Variants in HMGN4 observed in about 807,000 individuals in gnomAD.
HMGN4 encodes the protein high mobility group nucleosome-binding domain-containing protein 4.
For missense variants in HMGN4, 69 were observed against 104.9 expected (o/e 0.66, Z 1.49); for synonymous variants, 39 against 39.1 (o/e 1.00, Z 0.01).
In HMGN4 at chr6:26,545,463, C is replaced by G. The variant is rs1764338155; in HGVS notation, c.257C>G (p.Thr86Ser). 1 of 1,562,282 alleles carries G rather than the reference C, an allele frequency of 6.4e-7. No homozygotes were observed. The highest frequency in any genetic ancestry group is 8.6e-7 in the Non-Finnish European group (1 of 1,157,308). ...CTCCAGTCCCAGAAAGCGGAAGGCA[C>G]TGGGGATGCCAAGTGAAATGTACAT... is the stretch of plus-strand genomic sequence containing the variant. ...STLQSQKAEGTGDAK is the reference protein window; with the variant it reads ...STLQSQKAEGSGDAK Residue 86 changes from threonine to serine, a missense_variant, in exon 2 of 2, where the codon ACT becomes AGT. Coordinates refer to ENST00000377575, the MANE Select transcript of HMGN4 (RefSeq NM_006353.3).
intron 1 of HMGN4, among the ~76,000 whole-genome samples, chr6:26,539,634 T>TAAAAAAAAAAA (rs61003052): frequency 3.2e-5 from 4 of 125,090 alleles, no homozygotes; most frequent in Non-Finnish European, 6.6e-5. Flanking sequence ...TCCGCAAAAT[T>TAAAAAAAAAAA]AAAAAAAAAA....
Position 26,545,466 on chromosome 6 carries a change from G to T in HMGN4, c.260G>T (p.Gly87Val). The change falls in exon 2 of 2, where the codon GGG becomes GTG. Residue 87 changes from glycine (G) to valine (V), a missense_variant. Coordinates refer to ENST00000377575, the MANE Select transcript of HMGN4 (RefSeq NM_006353.3). ...CAGTCCCAGAAAGCGGAAGGCACTGGGGATGCCAAGTGAAATGTACATTTT... is the reference window on the plus strand; with the variant it reads ...CAGTCCCAGAAAGCGGAAGGCACTGTGGATGCCAAGTGAAATGTACATTTT... ...TLQSQKAEGT[G>V]DAK 1 of 1,559,662 alleles carries T rather than the reference G, an allele frequency of 6.4e-7. No individual in the cohort carries two copies. The highest frequency in any genetic ancestry group is 1.4e-5 in the African/African-American group (1 of 72,468).
At chr6:26,544,896 T>C (rs1764329934) in intron 1 of HMGN4, among the ~76,000 whole-genome samples, 1 of 152,240 alleles carries the variant, frequency 6.6e-6, no homozygotes, top group Non-Finnish European at 1.5e-5. Flanking sequence ...ATTTTCATTT[T>C]GTCCTTTCCT....
intron 1 of HMGN4, among the ~76,000 whole-genome samples, chr6:26,541,580 C>T (rs1764288255): frequency 6.6e-6 from 1 of 152,182 alleles, no homozygotes; most frequent in African/African-American, 2.4e-5. Context: ...ATCTCCTCTT[C>T]CTATAAGTAC....
At chr6:26,541,465 C>G (rs886783104) in intron 1 of HMGN4, among the ~76,000 whole-genome samples, 2 of 152,182 alleles carry the variant, frequency 1.3e-5, no homozygotes, top group Non-Finnish European at 2.9e-5. Flanking sequence ...AGTCCAAGAT[C>G]AAGATGTCGG....
intron 1 of HMGN4, 29 bp downstream of exon 1, chr6:26,538,530 C>T (rs532355537): frequency 5.4e-4 from 79 of 146,546 alleles, no homozygotes; most frequent in Non-Finnish European, 7.6e-4. Flanking sequence ...TTGTGCGCTA[C>T]CCCGGAAAAT....
rs1019033285 is a variant in HMGN4, at chr6:26,542,871, A to G, written c.-80-2256A>G. 3.9e-5 allele frequency among the ~76,000 whole-genome samples: 6 copies of G among 152,192 alleles called. No individual in the cohort carries two copies. The highest frequency in any genetic ancestry group is 6.5e-5 in the Admixed American group (1 of 15,282). On this transcript the variant is annotated intron_variant, in intron 1 of 1. Coordinates refer to ENST00000377575, the MANE Select transcript of HMGN4 (RefSeq NM_006353.3). This position sits in a 1 kb window ranked among gnomAD's most constrained non-coding sequence, Gnocchi z 4.6. Reference sequence around the variant, plus strand: ...GCCCCCCTACTTCGGATGGACTTCAATGGATCTAACTCGAAGAAGACTGAA... The same window carrying G: ...GCCCCCCTACTTCGGATGGACTTCAGTGGATCTAACTCGAAGAAGACTGAA...
chr6:26,545,657 C>T lies in HMGN4; in HGVS notation c.*178C>T, dbSNP rs1426287343. The T allele has an allele frequency of 2.5e-6, 1 of 404,342 alleles. No homozygotes were observed. Among genetic ancestry groups the T allele is most frequent in the African/African-American group, 2.1e-5 (1 of 48,324 alleles). The allele number at this position is 404,342 out of a possible 1,614,324, so 25.0% of individuals were successfully genotyped here. A position where few individuals can be genotyped will look rare whatever the true frequency, so the allele number is the denominator to read the frequency against. On this transcript the variant is annotated 3_prime_UTR_variant, in exon 2 of 2. Transcript: ENST00000377575. ...GGCAAGTACCACTAATAGGGTGTAT[C>T]TCAGAAACTGAATTGAAATAAGGGA...
chr6:26,538,997 G>T (rs915789407), intron 1 of HMGN4, among the ~76,000 whole-genome samples: 1 of 152,144 alleles, frequency 6.6e-6, no homozygotes, highest in Non-Finnish European at 1.5e-5. Context: ...AGAAAAAATG[G>T]ATCCCAAAGT....
intron 1 of HMGN4, among the ~76,000 whole-genome samples, chr6:26,540,883 T>A (rs1222584350): frequency 6.6e-6 from 1 of 152,186 alleles, no homozygotes; most frequent in East Asian, 1.9e-4. Context: ...GCTGCTAAAA[T>A]GTGCCTTGTG....
intron 1 of HMGN4, among the ~76,000 whole-genome samples, 155 bp from the exon 2 acceptor site, chr6:26,544,972 T>C (rs1471392257): frequency 1.3e-5 from 2 of 152,254 alleles, no homozygotes; most frequent in Non-Finnish European, 2.9e-5. Context: ...ATATTTTACA[T>C]ATATCTTTGC....
chr6:26,546,363 G>A lies in HMGN4; in HGVS notation c.*884G>A, dbSNP rs1764350509. The A allele has an allele frequency of 6.0e-6, 1 of 166,948 alleles. No homozygotes were observed. Among genetic ancestry groups the A allele is most frequent in the African/African-American group, 2.4e-5 (1 of 41,440 alleles). The allele number at this position is 166,948 out of a possible 1,614,324, so 10.3% of individuals were successfully genotyped here. The stretch of plus-strand genomic sequence containing the variant: ...TAGTCTGTCCTGAACTGATTTTTGT[G>A]AAAATTATGAGTTAGAAATTCAACT... On this transcript the variant is annotated 3_prime_UTR_variant, in exon 2 of 2. Transcript: ENST00000377575.
chr6:26,539,805 A>G (rs890014533), intron 1 of HMGN4: 1 of 152,194 alleles, frequency 6.6e-6, no homozygotes, highest in Non-Finnish European at 1.5e-5. Flanking sequence ...GGCTAGCAAG[A>G]TAATATCTTG....
chr6:26,540,420 C>T (rs912988511), intron 1 of HMGN4, among the ~76,000 whole-genome samples: 8 of 151,760 alleles, frequency 5.3e-5, no homozygotes, highest in African/African-American at 1.7e-4. Context: ...CTGCAACCTC[C>T]GCCTCCCAGG....
chr6:26,539,429 C>A (rs774837357), intron 1 of HMGN4, among the ~76,000 whole-genome samples: 4 of 151,760 alleles, frequency 2.6e-5, no homozygotes, highest in Non-Finnish European at 5.9e-5. Flanking sequence ...AACACTACAC[C>A]CGGATAATTT....
intron 1 of HMGN4, 90 bp from the exon 2 acceptor site, chr6:26,545,037 A>G: frequency 4.3e-6 from 2 of 469,046 alleles, no homozygotes; most frequent in Non-Finnish European, 7.4e-6. Flanking sequence ...GATATACACG[A>G]ATTATTAACA....
At chr6:26,544,559 C>T (rs1764326586) in intron 1 of HMGN4, among the ~76,000 whole-genome samples, 1 of 150,464 alleles carries the variant, frequency 6.6e-6, no homozygotes, top group Admixed American at 6.6e-5. Flanking sequence ...CTCCTGTCCA[C>T]ACCTCCAAGA....
At chr6:26,543,785 A>C (rs1325073933) in intron 1 of HMGN4, among the ~76,000 whole-genome samples, 19 of 147,916 alleles carry the variant, frequency 1.3e-4, no homozygotes, top group African/African-American at 3.9e-4. Flanking sequence ...AAAAAAAAAA[A>C]AAAAAAAAAA....
intron 1 of HMGN4, among the ~76,000 whole-genome samples, chr6:26,543,526 A>G (rs914870543): frequency 7.0e-6 from 1 of 142,230 alleles, no homozygotes; most frequent in Non-Finnish European, 1.5e-5. Flanking sequence ...GGTTCAAGCA[A>G]TTCTCAGGTG....
Sources: allele counts gnomAD v4.1 joint callset (sites outside exome capture counted in the v4.1 genomes callset), GRCh38; gene constraint gnomAD v4.1.1; non-coding constraint Gnocchi (gnomAD v3.1); transcripts MANE v1.5; gene names NCBI Gene and HGNC (gene_info 2026-07-23, HGNC 2026-07-21).